FHOD3: variants seen among roughly 807,000 people sequenced by gnomAD.
FHOD3 encodes the protein FH1/FH2 domain-containing protein 3.
FHOD3 carries 90 observed loss-of-function variants against 173.0 expected under a neutral mutation model. The ratio of observed to expected loss-of-function variants is 0.52; its 90% CI spans 0.44 to 0.62. FHOD3 has a LOEUF of 0.62. FHOD3 is among the 20% of genes least tolerant of loss of function. The probability of loss-of-function intolerance (pLI) is 0.00; values close to 1 mark genes in which losing one functional copy is unlikely to be tolerated. For synonymous variants in FHOD3, 828 were observed against 823.0 expected, an observed-to-expected ratio of 1.01 and a Z score of -0.10; for missense variants, 1,945 against 2,034.7, an observed-to-expected ratio of 0.96 and a Z score of 0.85.
At chr18:36,594,926 T>A (rs2030062846) in intron 7 of FHOD3, 28 bp downstream of exon 7, 3 of 1,411,742 alleles carry the variant, frequency 2.1e-6, no homozygotes, top group Non-Finnish European at 3.0e-6. Context: ...CCTTATGTCA[T>A]GAAGGTGAAG....
intron 3 of FHOD3, among the ~76,000 whole-genome samples, chr18:36,412,591 T>G (rs2049412087): frequency 6.6e-6 from 1 of 152,224 alleles, no homozygotes; most frequent in Non-Finnish European, 1.5e-5. Context: ...GGAGAAGAGT[T>G]GCCCAGATGA....
intron 14 of FHOD3, among the ~76,000 whole-genome samples, chr18:36,658,885 C>A (rs1485073271): frequency 6.6e-6 from 1 of 152,168 alleles, no homozygotes; most frequent in Non-Finnish European, 1.5e-5. Context: ...TTACACCAAC[C>A]CATACCTTAG....
intron 7 of FHOD3, among the ~76,000 whole-genome samples, chr18:36,597,946 C>T (rs3859357): frequency 0.28 from 42,622 of 151,986 alleles, 6,170 homozygotes; most frequent in East Asian, 0.37. Flanking sequence ...TCATCCTATT[C>T]TACTGCTAGT....
intron 3 of FHOD3, among the ~76,000 whole-genome samples, chr18:36,464,261 A>G (rs549644812): frequency 2.0e-5 from 3 of 152,352 alleles, no homozygotes; most frequent in African/African-American, 7.2e-5. Flanking sequence ...TGGTGAAGGG[A>G]TTAGCAAAGG....
intron 3 of FHOD3, among the ~76,000 whole-genome samples, chr18:36,478,874 T>G (rs533402707): frequency 5.1e-4 from 77 of 152,214 alleles, no homozygotes; most frequent in Non-Finnish European, 9.4e-4. Context: ...TGAAGATACT[T>G]TGTTATTCTG....
chr18:36,389,059 C>G (rs962574006), intron 3 of FHOD3, among the ~76,000 whole-genome samples: 5 of 152,060 alleles, frequency 3.3e-5, no homozygotes, highest in Non-Finnish European at 7.4e-5. Flanking sequence ...CGTTCCTGCA[C>G]GACGGGTTCG....
chr18:36,672,009 A>AG (rs1026102563), intron 14 of FHOD3, among the ~76,000 whole-genome samples: 14 of 152,312 alleles, frequency 9.2e-5, no homozygotes, highest in Non-Finnish European at 1.5e-4. Flanking sequence ...GTAGAGAGGA[A>AG]GTGAGATACC....
At chr18:36,444,898 T>C (rs954445054) in intron 3 of FHOD3, among the ~76,000 whole-genome samples, 18 of 152,258 alleles carry the variant, frequency 1.2e-4, no homozygotes, top group African/African-American at 4.3e-4. Context: ...TGCTGCAAAA[T>C]GAATAGCCTC....
chr18:36,617,195 G>A (rs370207504), intron 9 of FHOD3, among the ~76,000 whole-genome samples: 13 of 152,254 alleles, frequency 8.5e-5, no homozygotes, highest in African/African-American at 1.9e-4. Flanking sequence ...TAGTTAATTC[G>A]CATATTTATG....
chr18:36,555,760 T>C (rs2057853586), intron 5 of FHOD3, among the ~76,000 whole-genome samples: 1 of 152,202 alleles, frequency 6.6e-6, no homozygotes, highest in South Asian at 2.1e-4. Context: ...TATCCTCTTG[T>C]CAAATTGACC....
chr18:36,687,207 A>G (rs1272188635), intron 16 of FHOD3, 29 bp downstream of exon 16: 5 of 1,548,502 alleles, frequency 3.2e-6, no homozygotes, highest in Non-Finnish European at 2.7e-6. Flanking sequence ...TCCCATTGTA[A>G]CAAATGGCAT....
intron 19 of FHOD3, among the ~76,000 whole-genome samples, chr18:36,723,834 A>G (rs2040915381): frequency 1.3e-5 from 2 of 152,326 alleles, no homozygotes; most frequent in Admixed American, 6.5e-5. Flanking sequence ...CAAAGGGGCA[A>G]TATGATGTGG....
At chr18:36,680,061 T>C (rs781016092) in intron 14 of FHOD3, among the ~76,000 whole-genome samples, 1 of 152,212 alleles carries the variant, frequency 6.6e-6, no homozygotes, top group Non-Finnish European at 1.5e-5. Flanking sequence ...GTTAGAAGTT[T>C]GTCTGAACTT....
intron 21 of FHOD3, among the ~76,000 whole-genome samples, chr18:36,742,448 C>G (rs961400147): frequency 2.0e-5 from 3 of 152,132 alleles, no homozygotes; most frequent in Admixed American, 1.3e-4. Flanking sequence ...TCCGAGGAGT[C>G]AGCCACAGCC....
At chr18:36,359,655 G>C (rs936320255) in intron 2 of FHOD3, among the ~76,000 whole-genome samples, 1 of 152,130 alleles carries the variant, frequency 6.6e-6, no homozygotes. Context: ...GTCCTGATGG[G>C]GTCTCTGGCA....
chr18:36,758,031 T>A (rs1352964673), intron 25 of FHOD3, among the ~76,000 whole-genome samples: 3 of 152,200 alleles, frequency 2.0e-5, no homozygotes, highest in African/African-American at 7.2e-5. Context: ...CTTTTAGGGA[T>A]GTTGAGCGGG....
At chr18:36,437,727 G>A (rs1413280836) in intron 3 of FHOD3, among the ~76,000 whole-genome samples, 1 of 143,882 alleles carries the variant, frequency 7.0e-6, no homozygotes, top group Middle Eastern at 3.8e-3. Flanking sequence ...GCAGTGGCAC[G>A]ATGTCGGCTC....
At chr18:36,430,771 T>C (rs1268337220) in intron 3 of FHOD3, among the ~76,000 whole-genome samples, 1 of 152,210 alleles carries the variant, frequency 6.6e-6, no homozygotes, top group Non-Finnish European at 1.5e-5. Flanking sequence ...GGAATAGATT[T>C]GCAAGAGACT....
intron 3 of FHOD3, among the ~76,000 whole-genome samples, chr18:36,487,027 T>G (rs1212274893): frequency 6.6e-6 from 1 of 152,246 alleles, no homozygotes; most frequent in African/African-American, 2.4e-5. Flanking sequence ...TACCACAGTT[T>G]ATCTGTTTGC....
Sources: allele counts gnomAD v4.1 joint callset (sites outside exome capture counted in the v4.1 genomes callset), GRCh38; gene constraint gnomAD v4.1.1; transcripts MANE v1.5; gene names NCBI Gene and HGNC (gene_info 2026-07-23, HGNC 2026-07-21).